AP3S2: variants seen among roughly 807,000 people sequenced by gnomAD.
The protein encoded by AP3S2 is AP-3 complex subunit sigma-2.
AP3S2 carries 22 observed loss-of-function variants against 23.4 expected under a neutral mutation model. That is an observed-to-expected ratio of 0.94 (90% confidence interval 0.67 to 1.34). The LOEUF is 1.34. Ranked by LOEUF, AP3S2 falls within the 40% of genes most tolerant of loss-of-function variation. AP3S2 has a pLI of 0.00. For missense variants in AP3S2, 241 were observed against 236.9 expected (o/e 1.02, Z -0.11); for synonymous variants, 86 against 87.1 (o/e 0.99, Z 0.07).
intron 1 of AP3S2, among the ~76,000 whole-genome samples, chr15:89,890,927 AAATT>A (rs1896806979): frequency 1.3e-5 from 2 of 152,378 alleles, no homozygotes; most frequent in South Asian, 2.1e-4. Flanking sequence ...AAATTTGAGT[AAATT>A]AATCACTATT....
At chr15:89,857,340 C>T (rs1248488198) in intron 4 of AP3S2, among the ~76,000 whole-genome samples, 3 of 152,102 alleles carry the variant, frequency 2.0e-5, no homozygotes, top group Non-Finnish European at 4.4e-5. Flanking sequence ...CTATATTTAG[C>T]GCAGTGTCTT....
intron 3 of AP3S2, among the ~76,000 whole-genome samples, chr15:89,881,765 A>G (rs1224884218): frequency 6.6e-6 from 1 of 152,142 alleles, no homozygotes; most frequent in Non-Finnish European, 1.5e-5. Flanking sequence ...TCAGTACTGG[A>G]GTTACAAGGA....
At chr15:89,848,924 T>C (rs150746722) in intron 4 of AP3S2, 22 of 152,296 alleles carry the variant, frequency 1.4e-4, no homozygotes, top group African/African-American at 5.1e-4. Flanking sequence ...ATGAGTAGTA[T>C]TGAGGACCTG....
chr15:89,881,403 T>A (rs920196875), intron 3 of AP3S2, among the ~76,000 whole-genome samples: 2 of 152,108 alleles, frequency 1.3e-5, no homozygotes, highest in Admixed American at 1.3e-4. Context: ...AGTTTTAAAA[T>A]AAACTCAAAA....
At chr15:89,885,377 AT>A (rs1405570877) in intron 3 of AP3S2, among the ~76,000 whole-genome samples, 1 of 151,820 alleles carries the variant, frequency 6.6e-6, no homozygotes, top group African/African-American at 2.4e-5. Flanking sequence ...TAATTTTTCT[AT>A]TTTTAGTAGA....
chr15:89,870,218 CTTTAACATATGAAA>C (rs1896286289), intron 4 of AP3S2, among the ~76,000 whole-genome samples: 1 of 152,138 alleles, frequency 6.6e-6, no homozygotes, highest in Admixed American at 6.5e-5. Context: ...AATAGCAAAT[CTTTAACATATGAAA>C]AGTACAAAAC....
At chr15:89,884,564 T>C (rs1214953508) in intron 3 of AP3S2, among the ~76,000 whole-genome samples, 1 of 151,928 alleles carries the variant, frequency 6.6e-6, no homozygotes, top group Non-Finnish European at 1.5e-5. Context: ...CACAATCCCT[T>C]GGTTCAACTG....
At chr15:89,864,581 G>A (rs982330932) in intron 4 of AP3S2, among the ~76,000 whole-genome samples, 2 of 150,786 alleles carry the variant, frequency 1.3e-5, no homozygotes, top group Non-Finnish European at 3.0e-5. Context: ...TTTTTTTTGA[G>A]ACGGAGTCTC....
At chr15:89,882,709 AC>A (rs1355614577) in intron 3 of AP3S2, among the ~76,000 whole-genome samples, 1 of 152,024 alleles carries the variant, frequency 6.6e-6, no homozygotes, top group Non-Finnish European at 1.5e-5. Context: ...ACCTTACAGA[AC>A]TCTATTATTA....
At chr15:89,849,986 G>C (rs953285385) in intron 4 of AP3S2, among the ~76,000 whole-genome samples, 19 of 152,144 alleles carry the variant, frequency 1.2e-4, no homozygotes, top group African/African-American at 4.3e-4. Context: ...CTTTATCCAT[G>C]TCCCTGCAAA....
chr15:89,840,280 G>T (rs771368659), intron 4 of AP3S2, among the ~76,000 whole-genome samples: 1 of 152,140 alleles, frequency 6.6e-6, no homozygotes, highest in African/African-American at 2.4e-5. Flanking sequence ...TGCACTTTCA[G>T]TATTTATTCC....
chr15:89,871,350 C>T lies in AP3S2; in HGVS notation c.345+125G>A, dbSNP rs768091776. The T allele has an allele frequency of 7.3e-5, 62 of 847,012 alleles. 1 individual carries two copies. In the African/African-American group the frequency reaches 7.3e-4, roughly 10 times the overall value. The allele number at this position is 847,012 out of a possible 1,614,324, so 52.5% of individuals were successfully genotyped here. A position where few individuals can be genotyped will look rare whatever the true frequency, so the allele number is the denominator to read the frequency against. On this transcript the variant is annotated intron_variant, in intron 4 of 5. Transcript: ENST00000336418. ...TTAAATCTATTAAATAAAACATGTTCTAGGACTATCTTAAGAGTAAAAAAA... is the reference window on the plus strand; with the variant it reads ...TTAAATCTATTAAATAAAACATGTTTTAGGACTATCTTAAGAGTAAAAAAA...
intron 4 of AP3S2, among the ~76,000 whole-genome samples, chr15:89,867,944 G>A (rs1397877840): frequency 1.4e-5 from 2 of 147,776 alleles, no homozygotes; most frequent in Non-Finnish European, 3.0e-5. Flanking sequence ...CCCCCACCCG[G>A]CCAGCCGCCC....
At chr15:89,851,371 C>T (rs1895648887) in intron 4 of AP3S2, among the ~76,000 whole-genome samples, 1 of 151,652 alleles carries the variant, frequency 6.6e-6, no homozygotes, top group African/African-American at 2.4e-5. Context: ...CAGAGTCTTG[C>T]TCTGTCCCCC....
At chr15:89,892,759 G>A (rs1239854395) in intron 1 of AP3S2, among the ~76,000 whole-genome samples, 1 of 152,200 alleles carries the variant, frequency 6.6e-6, no homozygotes. Context: ...CGCCTCCCGG[G>A]CTCACGCCAT....
At chr15:89,846,355 T>C (rs1442908674) in intron 4 of AP3S2, among the ~76,000 whole-genome samples, 1 of 151,728 alleles carries the variant, frequency 6.6e-6, no homozygotes, top group Non-Finnish European at 1.5e-5. Flanking sequence ...CATCTGTGTC[T>C]CTTTATTTTT....
At chr15:89,859,702 CTTT>C (rs949197989) in intron 4 of AP3S2, among the ~76,000 whole-genome samples, 1 of 147,928 alleles carries the variant, frequency 6.8e-6, no homozygotes, top group Non-Finnish European at 1.5e-5. Context: ...GCCCTTCTTT[CTTT>C]TTTTTTCTAA....
intron 3 of AP3S2, among the ~76,000 whole-genome samples, chr15:89,876,107 T>G (rs1444301434): frequency 6.6e-6 from 1 of 152,118 alleles, no homozygotes; most frequent in Non-Finnish European, 1.5e-5. Flanking sequence ...AGAACGATCA[T>G]GATCTAGAAG....
chr15:89,831,765 T>A lies in AP3S2; in HGVS notation c.*3750A>T, dbSNP rs1895082739. On this transcript the variant is annotated 3_prime_UTR_variant, in exon 6 of 6. Coordinates refer to ENST00000336418, the MANE Select transcript of AP3S2 (RefSeq NM_005829.5). ...TGAATAAACAGGGATTTGAGAGGGC[T>A]CAAGATATCCTGACTTAATCCTCAA... 6.6e-6 allele frequency: 1 copy of A among 152,284 alleles called. No individual in the cohort carries two copies. Among genetic ancestry groups the A allele is most frequent in the African/African-American group, 2.4e-5 (1 of 41,460 alleles). 9.4% of individuals were successfully genotyped at this position (152,284 alleles called of 1,614,324 possible). A position where few individuals can be genotyped will look rare whatever the true frequency, so the allele number is the denominator to read the frequency against.
Sources: allele counts gnomAD v4.1 joint callset (sites outside exome capture counted in the v4.1 genomes callset), GRCh38; gene constraint gnomAD v4.1.1; transcripts MANE v1.5; gene names NCBI Gene and HGNC (gene_info 2026-07-23, HGNC 2026-07-21).